Variants in BAZ2B observed in about 807,000 individuals in gnomAD.
The protein encoded by BAZ2B is bromodomain adjacent to zinc finger domain protein 2B.
Under a neutral mutation model 246.0 loss-of-function variants are expected in BAZ2B, and 91 were observed. That is an observed-to-expected ratio of 0.37 (90% CI 0.31 to 0.44). The LOEUF is 0.44. BAZ2B is among the 20% of genes least tolerant of loss of function. The probability of loss-of-function intolerance (pLI) is 1.00; values close to 1 mark genes in which losing one functional copy is unlikely to be tolerated. For synonymous variants in BAZ2B, 855 were observed against 860.0 expected (o/e 0.99, Z 0.10); for missense variants, 2,332 against 2,533.7 (o/e 0.92, Z 1.71).
the BAZ2B span, among the ~76,000 whole-genome samples, chr2:159,674,336 GA>G: frequency 0.85 from 104,702 of 122,926 alleles, 43,865 homozygotes; most frequent in Middle Eastern, 0.94. Flanking sequence ...CTCTGTCTCA[GA>G]AAAAAAAAAA....
At chr2:159,474,340 T>C (rs1035176107) in intron 3 of BAZ2B, among the ~76,000 whole-genome samples, 6 of 152,234 alleles carry the variant, frequency 3.9e-5, no homozygotes, top group Admixed American at 2.0e-4. Flanking sequence ...TTGATCTTTG[T>C]TGGTTTAAAG....
intron 6 of BAZ2B, 81 bp downstream of exon 6, chr2:159,446,701 T>C (rs1438336183): frequency 1.1e-5 from 15 of 1,325,038 alleles, no homozygotes; most frequent in South Asian, 6.5e-5. Flanking sequence ...AATTAAACCA[T>C]AGATTCTGTT....
At position 159,550,028 on chromosome 2, in the gene BAZ2B, C is replaced by T. The variant is rs532891860; in HGVS notation, c.-3+5795G>A. 2.3e-4 allele frequency among the ~76,000 whole-genome samples: 35 copies of T among 151,974 alleles called. No individual in the cohort carries two copies. The South Asian group carries it at 2.5e-3, about 11-fold the overall frequency. On this transcript the variant is annotated intron_variant, in intron 2 of 36. Coordinates refer to ENST00000392783, the MANE Select transcript of BAZ2B (RefSeq NM_013450.4). ...TAGTAGAGATGGGGTTTTGCCATGTCGGCCAAGCTGGTCTCAAAACTCCAG... is the reference window on the plus strand; with the variant it reads ...TAGTAGAGATGGGGTTTTGCCATGTTGGCCAAGCTGGTCTCAAAACTCCAG...
At chr2:159,529,442 C>A (rs984028008) in intron 2 of BAZ2B, among the ~76,000 whole-genome samples, 2 of 152,176 alleles carry the variant, frequency 1.3e-5, no homozygotes, top group African/African-American at 2.4e-5. Context: ...ATATGCAAAG[C>A]ACAATCTCTC....
chr2:159,445,977 G>T (rs1217994078), intron 6 of BAZ2B, among the ~76,000 whole-genome samples: 1 of 152,060 alleles, frequency 6.6e-6, no homozygotes, highest in East Asian at 1.9e-4. Flanking sequence ...ACCTCGGTGT[G>T]GTAGCATGCA....
intron 2 of BAZ2B, among the ~76,000 whole-genome samples, chr2:159,495,776 T>TC (rs1559613363): frequency 7.5e-6 from 1 of 132,910 alleles, no homozygotes; most frequent in East Asian, 2.3e-4. Context: ...AAGAAATACT[T>TC]TTTTTTTTTT....
At chr2:159,581,878 C>T (rs1384970392) in intron 1 of BAZ2B, among the ~76,000 whole-genome samples, 4 of 135,448 alleles carry the variant, frequency 3.0e-5, no homozygotes, top group African/African-American at 8.5e-5. Context: ...ACAATGAGAA[C>T]ACTTGGACAC....
intron 25 of BAZ2B, among the ~76,000 whole-genome samples, chr2:159,380,558 T>C (rs181473608): frequency 6.6e-6 from 1 of 152,198 alleles, no homozygotes; most frequent in Non-Finnish European, 1.5e-5. Context: ...AAGGCCTTCT[T>C]ACAAGGTTGG....
chr2:159,526,104 AT>A (rs973290640), intron 2 of BAZ2B, among the ~76,000 whole-genome samples: 6 of 151,772 alleles, frequency 4.0e-5, no homozygotes, highest in African/African-American at 9.7e-5. Context: ...AGTAGGGATA[AT>A]TTTTTTTTAC....
chr2:159,548,909 C>G (rs1361015830), intron 2 of BAZ2B, among the ~76,000 whole-genome samples: 1 of 152,102 alleles, frequency 6.6e-6, no homozygotes, highest in East Asian at 1.9e-4. Flanking sequence ...TAGCACTTAC[C>G]AAAGTTTTTA....
At position 159,433,151 on chromosome 2, in the gene BAZ2B, AATGAC is replaced by A. The variant is rs2071463807; in HGVS notation, c.1501_1505del (p.Val501SerfsTer12). 2 of 1,614,084 alleles carry A rather than the reference AATGAC, an allele frequency of 1.2e-6. No homozygotes were observed. Among genetic ancestry groups the A allele is most frequent in the Non-Finnish European group, 1.7e-6 (2 of 1,180,028 alleles). ...TAGTAAGTGCTAGAGGAGCTTCTTG[AATGAC>A]ACTTTGAATAACTCCATTTGGTTGG... On this transcript the variant is annotated frameshift_variant, in exon 9 of 37. Coordinates refer to ENST00000392783, the MANE Select transcript of BAZ2B (RefSeq NM_013450.4). LOFTEE classifies it high-confidence loss of function.
chr2:159,403,095 C>G (rs1484189903), intron 16 of BAZ2B, among the ~76,000 whole-genome samples: 1 of 152,106 alleles, frequency 6.6e-6, no homozygotes, highest in African/African-American at 2.4e-5. Context: ...TAAGGACTAT[C>G]TGGTGATATT....
chr2:159,388,187 A>G (rs1284570113), intron 21 of BAZ2B, among the ~76,000 whole-genome samples: 2 of 152,142 alleles, frequency 1.3e-5, no homozygotes, highest in African/African-American at 4.8e-5. Flanking sequence ...TTATTTGCAA[A>G]TCATTTGAAT....
At chr2:159,516,346 A>G (rs1462920640) in intron 2 of BAZ2B, 1 of 152,096 alleles carries the variant, frequency 6.6e-6, no homozygotes, top group Non-Finnish European at 1.5e-5. Context: ...CAGCACTCCA[A>G]AACAACAAGC....
chr2:159,690,564 G>C, the BAZ2B span, among the ~76,000 whole-genome samples: 3 of 152,072 alleles, frequency 2.0e-5, no homozygotes, highest in Admixed American at 6.5e-5. Context: ...TAGGCTACTA[G>C]TTACTGATTT....
At chr2:159,706,084 A>AACACACACACACACACACACAC in the BAZ2B span, among the ~76,000 whole-genome samples, 8,861 of 149,592 alleles carry the variant, frequency 0.059, 411 homozygotes, top group East Asian at 0.19. Context: ...AAACATATAT[A>AACACACACACACACACACACAC]ACACACACAC....
At chr2:159,469,485 G>C (rs1330975197) in intron 3 of BAZ2B, among the ~76,000 whole-genome samples, 1 of 151,938 alleles carries the variant, frequency 6.6e-6, no homozygotes, top group Non-Finnish European at 1.5e-5. Context: ...ACCCAGGCTG[G>C]AGTGCGGTGG....
chr2:159,601,026 C>G lies in BAZ2B; in HGVS notation c.-46+15216G>C, dbSNP rs139774851. On this transcript the variant is annotated intron_variant, in intron 1 of 36. Coordinates refer to ENST00000392783, the MANE Select transcript of BAZ2B (RefSeq NM_013450.4). ...CTCACATCTTCAGGTGTGCCAAGTT[C>G]TCCCTAAAGCAGGGAAACTGCTAAA... Among the ~76,000 whole-genome samples, 287 of 152,288 alleles carry G rather than the reference C, an allele frequency of 1.9e-3. 3 individuals carry two copies. Among genetic ancestry groups the G allele is most frequent in the South Asian group, 6.2e-3 (30 of 4,828 alleles).
the BAZ2B span, among the ~76,000 whole-genome samples, chr2:159,653,186 C>T: frequency 2.6e-5 from 4 of 152,084 alleles, no homozygotes; most frequent in South Asian, 2.1e-4. Context: ...GTGATCCACC[C>T]GCCTTGGCCT....
Sources: allele counts gnomAD v4.1 joint callset (sites outside exome capture counted in the v4.1 genomes callset), GRCh38; gene constraint gnomAD v4.1.1; transcripts MANE v1.5; gene names NCBI Gene and HGNC (gene_info 2026-07-23, HGNC 2026-07-21).